Variants in VGLL4 observed in about 807,000 individuals in gnomAD.
The protein encoded by VGLL4 is vestigial like family member 4, also known as transcription cofactor vestigial-like protein 4.
In VGLL4, 7 loss-of-function variants were observed where a neutral mutation model predicts 21.0. That is an observed-to-expected ratio of 0.33 (90% confidence interval 0.19 to 0.63). VGLL4 has a LOEUF of 0.63. Among genes scored for constraint, VGLL4 ranks in the 20% least tolerant of loss-of-function variants. The pLI is 0.78. For missense variants in VGLL4, 394 were observed against 425.7 expected, an observed-to-expected ratio of 0.93 and a Z score of 0.66; for synonymous variants, 222 against 173.2, an observed-to-expected ratio of 1.28 and a Z score of -2.21.
intron 1 of VGLL4, among the ~76,000 whole-genome samples, chr3:11,704,237 G>A (rs2076725073): frequency 6.6e-6 from 1 of 151,778 alleles, no homozygotes. Context: ...AAAAAAATTA[G>A]CCGGGTATGG....
At chr3:11,691,983 G>GAAAAAAAAAAAA (rs36035876) in intron 2 of VGLL4, among the ~76,000 whole-genome samples, 1 of 105,696 alleles carries the variant, frequency 9.5e-6, no homozygotes, top group African/African-American at 4.1e-5. Flanking sequence ...TGCACCAAAT[G>GAAAAAAAAAAAA]AAAAAAAAAA....
At chr3:11,671,523 C>T (rs2076216836) in intron 2 of VGLL4, 1 of 604,680 alleles carries the variant, frequency 1.7e-6, no homozygotes, top group Admixed American at 2.7e-5. Flanking sequence ...GTCTGCCCTG[C>T]AGAGCCCACC....
chr3:11,569,469 C>G (rs2073686020), intron 2 of VGLL4, among the ~76,000 whole-genome samples: 1 of 152,242 alleles, frequency 6.6e-6, no homozygotes, highest in Non-Finnish European at 1.5e-5. Flanking sequence ...GGCAAAGCAG[C>G]CCGTCCCCAT....
intron 1 of VGLL4, among the ~76,000 whole-genome samples, chr3:11,718,780 A>C (rs993462477): frequency 2.6e-5 from 4 of 152,070 alleles, no homozygotes; most frequent in Non-Finnish European, 1.5e-5. Flanking sequence ...CCACTTCCCC[A>C]CACCCCTACC....
chr3:11,627,741 A>T (rs2075385417), intron 1 of VGLL4, among the ~76,000 whole-genome samples: 1 of 152,210 alleles, frequency 6.6e-6, no homozygotes. Flanking sequence ...TCACATTTAC[A>T]TTAAAGACAA....
At chr3:11,569,333 G>GGATACAT (rs1366909085) in intron 2 of VGLL4, among the ~76,000 whole-genome samples, 1 of 152,146 alleles carries the variant, frequency 6.6e-6, no homozygotes, top group African/African-American at 2.4e-5. Context: ...GACATTTTGA[G>GGATACAT]GATACATTCT....
rs1324427836 is a variant in VGLL4 at position 11,568,518 on chromosome 3, C to T, written c.273-3499G>A. ...TCCGTGGAACACAGCACAGTGGGCA[C>T]TATGGGTCAGACAAAGACACTGAAA... On this transcript the variant is annotated intron_variant, in intron 2 of 4. Transcript: ENST00000430365. This position sits in a 1 kb window ranked among gnomAD's most constrained non-coding sequence, Gnocchi z 5.9. The T allele has an allele frequency of 2.0e-6, 3 of 1,525,564 alleles. No individual in the cohort carries two copies. The highest frequency in any genetic ancestry group is 8.9e-7 in the Non-Finnish European group (1 of 1,123,854). 94.5% of individuals were successfully genotyped at this position (1,525,564 alleles called of 1,614,324 possible).
intron 1 of VGLL4, among the ~76,000 whole-genome samples, chr3:11,704,383 C>CAAAAAAAAAAAAAAAAAAAA (rs57593843): frequency 5.8e-5 from 4 of 69,168 alleles, no homozygotes; most frequent in Admixed American, 1.9e-4. Context: ...AACTCCGTCT[C>CAAAAAAAAAAAAAAAAAAAA]AAAAAAAAAA....
rs376647782 is a variant in VGLL4 at position 11,579,046 on chromosome 3, C to T, written c.273-14027G>A. Among the ~76,000 whole-genome samples the T allele has an allele frequency of 9.7e-4, 147 of 152,168 alleles. 4 individuals carry two copies. The East Asian group carries it at 0.023, about 24-fold the overall frequency. On this transcript the variant is annotated intron_variant, in intron 2 of 4. Coordinates refer to ENST00000430365, the MANE Select transcript of VGLL4 (RefSeq NM_001128219.3). ...TACAGGCGTGAGCCACTGCACCTGG[C>T]CTCTACTGTATATTCTTTAAAGTAC...
chr3:11,690,576 G>C lies in VGLL4; in HGVS notation c.64+12395C>G, dbSNP rs368570699. On this transcript the variant is annotated intron_variant, in intron 2 of 5. Coordinates refer to the VGLL4 transcript ENST00000273038. Reference sequence around the variant, plus strand: ...TAGGCCTCTTGAATTCATTTTAAAAGTAACTACAGTCCAGTTAAACAAGGT... The same window carrying C: ...TAGGCCTCTTGAATTCATTTTAAAACTAACTACAGTCCAGTTAAACAAGGT... Among the ~76,000 whole-genome samples, 17 of 152,066 alleles carry C rather than the reference G, an allele frequency of 1.1e-4. No individual in the cohort carries two copies. In the South Asian group the frequency reaches 2.9e-3, roughly 26 times the overall value.
chr3:11,562,656 G>A (rs1243393073), intron 3 of VGLL4, among the ~76,000 whole-genome samples: 1 of 152,244 alleles, frequency 6.6e-6, no homozygotes, highest in Non-Finnish European at 1.5e-5. Flanking sequence ...GCCCCGCCAC[G>A]CTGCCGCAGG....
intron 2 of VGLL4, among the ~76,000 whole-genome samples, chr3:11,661,754 G>A (rs1374045353): frequency 6.6e-6 from 1 of 152,144 alleles, no homozygotes; most frequent in Non-Finnish European, 1.5e-5. Flanking sequence ...TTACAGGTGT[G>A]AGCCACTGCG....
At chr3:11,590,446 G>A (rs2074460541) in intron 2 of VGLL4, among the ~76,000 whole-genome samples, 1 of 152,148 alleles carries the variant, frequency 6.6e-6, no homozygotes, top group South Asian at 2.1e-4. Context: ...AAGGCAAGAG[G>A]TAGTATAAGA....
upstream of VGLL4, chr3:11,721,044 G>A (rs1431600285): frequency 6.6e-6 from 1 of 152,144 alleles, no homozygotes; most frequent in South Asian, 2.1e-4. Context: ...GACTTCCTCT[G>A]GTTTGCTTTA....
At chr3:11,716,978 A>AC (rs2076927022) in intron 1 of VGLL4, among the ~76,000 whole-genome samples, 1 of 152,052 alleles carries the variant, frequency 6.6e-6, no homozygotes, top group Non-Finnish European at 1.5e-5. Context: ...TCACACACAC[A>AC]AAAAACTTTC....
intron 2 of VGLL4, among the ~76,000 whole-genome samples, chr3:11,659,187 T>C (rs2075998508): frequency 6.6e-6 from 1 of 151,806 alleles, no homozygotes; most frequent in Admixed American, 6.6e-5. Context: ...GATCCAAAGA[T>C]GAGTAAGACA....
chr3:11,665,972 C>T (rs543982250), intron 2 of VGLL4, among the ~76,000 whole-genome samples: 37 of 152,128 alleles, frequency 2.4e-4, no homozygotes, highest in Non-Finnish European at 4.7e-4. Flanking sequence ...CATTCTGGGC[C>T]GGGCGCGGTG....
At chr3:11,629,141 T>C (rs568023405) in intron 1 of VGLL4, among the ~76,000 whole-genome samples, 7 of 152,284 alleles carry the variant, frequency 4.6e-5, no homozygotes, top group Admixed American at 1.3e-4. Flanking sequence ...AATATAAAAT[T>C]TTAAACACAC....
intron 1 of VGLL4, among the ~76,000 whole-genome samples, chr3:11,639,979 ATAAAC>A (rs1435303817): frequency 2.0e-5 from 3 of 152,224 alleles, no homozygotes; most frequent in Non-Finnish European, 4.4e-5. Flanking sequence ...AACTTTCTAA[ATAAAC>A]TAAATCAACT....
Sources: allele counts gnomAD v4.1 joint callset (sites outside exome capture counted in the v4.1 genomes callset), GRCh38; gene constraint gnomAD v4.1.1; non-coding constraint Gnocchi (gnomAD v3.1); transcripts MANE v1.5; gene names NCBI Gene and HGNC (gene_info 2026-07-23, HGNC 2026-07-21).